The following NAALADL2 variants were observed in gnomAD, a reference collection of about 807,000 sequenced individuals.
NAALADL2 encodes N-acetylated alpha-linked acidic dipeptidase like 2.
In NAALADL2, 76 loss-of-function variants were observed where a neutral mutation model predicts 87.2. The observed-to-expected ratio is 0.87, with a 90% CI of 0.72 to 1.05. The LOEUF is 1.05. Ranked by LOEUF, NAALADL2 falls within the 50% of genes least tolerant of loss-of-function variation. The pLI is 0.00. For missense variants in NAALADL2, 1,089 were observed against 945.8 expected, an observed-to-expected ratio of 1.15 and a Z score of -1.99; for synonymous variants, 354 against 331.0, an observed-to-expected ratio of 1.07 and a Z score of -0.75.
intron 3 of NAALADL2, among the ~76,000 whole-genome samples, chr3:174,817,043 G>T (rs1486282346): frequency 2.6e-5 from 4 of 152,148 alleles, no homozygotes; most frequent in African/African-American, 4.8e-5. Context: ...ACTTAAAGCA[G>T]CTAAATTTGA....
chr3:175,013,484 A>G (rs1448138969), intron 1 of NAALADL2, among the ~76,000 whole-genome samples: 1 of 150,454 alleles, frequency 6.6e-6, no homozygotes. Flanking sequence ...GTTTTAGTAG[A>G]GAAAAGATTT....
rs546368163 is a variant in NAALADL2 at position 175,503,486 on chromosome 3, G to A, written c.1653+31728G>A. Among the ~76,000 whole-genome samples, 56 of 152,274 alleles carry A rather than the reference G, an allele frequency of 3.7e-4. 4 individuals are homozygous for A. The highest frequency in any genetic ancestry group is 2.7e-3 in the East Asian group (14 of 5,164). On this transcript the variant is annotated intron_variant, in intron 9 of 13. Coordinates refer to ENST00000454872, the MANE Select transcript of NAALADL2 (RefSeq NM_207015.3). The stretch of plus-strand genomic sequence containing the variant: ...AGGTGGAATGGTAATTCTGTTTTAA[G>A]TTCTTCGAGAAATTGCCAAACCACT...
intron 5 of NAALADL2, among the ~76,000 whole-genome samples, chr3:175,332,579 T>A (rs1216891854): frequency 1.3e-5 from 2 of 152,186 alleles, no homozygotes; most frequent in Non-Finnish European, 2.9e-5. Context: ...GAGATTGTAG[T>A]TGTGAGTCAC....
intron 2 of NAALADL2, among the ~76,000 whole-genome samples, chr3:174,608,753 A>C (rs1016540877): frequency 1.4e-5 from 2 of 147,508 alleles, no homozygotes; most frequent in South Asian, 4.4e-4. Context: ...AAGTGGTACC[A>C]TTCCTTCTGA....
At chr3:175,569,491 A>G (rs931242118) in intron 9 of NAALADL2, among the ~76,000 whole-genome samples, 1 of 152,092 alleles carries the variant, frequency 6.6e-6, no homozygotes, top group Non-Finnish European at 1.5e-5. Context: ...CAAAATTCAC[A>G]CGTTGAAGAC....
intron 2 of NAALADL2, among the ~76,000 whole-genome samples, chr3:174,709,398 T>C (rs952545112): frequency 6.6e-6 from 1 of 152,122 alleles, no homozygotes; most frequent in Non-Finnish European, 1.5e-5. Flanking sequence ...GAGCTTTACA[T>C]AGGAACTGGC....
intron 6 of NAALADL2, among the ~76,000 whole-genome samples, chr3:175,461,134 A>T (rs748615344): frequency 5.3e-5 from 8 of 151,956 alleles, no homozygotes; most frequent in Admixed American, 1.3e-4. Context: ...GTGCATTTAC[A>T]ATCCTTTAGC....
rs747234701 is a variant in NAALADL2 at position 175,346,178 on chromosome 3, T to A, written c.1090+21853T>A. On this transcript the variant is annotated intron_variant, in intron 5 of 13. Transcript: ENST00000454872. ...AATGAAATATATTCATTATAAAAATTCAAACAGTATACAAAAATATGAATA... is the reference window on the plus strand; with the variant it reads ...AATGAAATATATTCATTATAAAAATACAAACAGTATACAAAAATATGAATA... 3.6e-4 allele frequency among the ~76,000 whole-genome samples: 55 copies of A among 152,214 alleles called. No individual in the cohort carries two copies. The Middle Eastern group carries it at 0.01, about 28-fold the overall frequency.
chr3:174,930,072 G>A (rs1736642332), intron 1 of NAALADL2, among the ~76,000 whole-genome samples: 1 of 152,106 alleles, frequency 6.6e-6, no homozygotes. Flanking sequence ...AGACTTATGA[G>A]AAAAGTATGC....
At chr3:174,646,083 G>A (rs981283378) in intron 2 of NAALADL2, among the ~76,000 whole-genome samples, 2 of 152,080 alleles carry the variant, frequency 1.3e-5, no homozygotes, top group Non-Finnish European at 2.9e-5. Context: ...TCTTTCAACA[G>A]TCTTTCTGTT....
At chr3:174,906,958 TATTAA>T (rs1214672857) in intron 1 of NAALADL2, among the ~76,000 whole-genome samples, 2 of 152,104 alleles carry the variant, frequency 1.3e-5, no homozygotes, top group Non-Finnish European at 2.9e-5. Context: ...GTGAGTTTTA[TATTAA>T]ATTACTTCAA....
intron 13 of NAALADL2, among the ~76,000 whole-genome samples, chr3:175,760,376 G>A (rs1162365675): frequency 1.3e-5 from 2 of 152,150 alleles, no homozygotes; most frequent in African/African-American, 4.8e-5. Flanking sequence ...TTTTCAAGGG[G>A]ACATCTAATT....
intron 2 of NAALADL2, among the ~76,000 whole-genome samples, chr3:174,604,953 A>T (rs1048693908): frequency 7.3e-5 from 11 of 151,500 alleles, no homozygotes; most frequent in Non-Finnish European, 1.5e-4. Flanking sequence ...GGGTTTCACA[A>T]TATTGTCCAG....
intron 3 of NAALADL2, among the ~76,000 whole-genome samples, chr3:174,824,275 T>C (rs1579081297): frequency 6.6e-6 from 1 of 152,190 alleles, no homozygotes; most frequent in Non-Finnish European, 1.5e-5. Context: ...TAAGGAATTA[T>C]TTTATTTGTA....
chr3:175,590,730 A>G (rs1434914585), intron 10 of NAALADL2, among the ~76,000 whole-genome samples: 2 of 152,150 alleles, frequency 1.3e-5, no homozygotes, highest in Non-Finnish European at 2.9e-5. Flanking sequence ...TACTACAAGG[A>G]CATTGTATAT....
chr3:174,836,580 G>C (rs1177235559), intron 3 of NAALADL2, among the ~76,000 whole-genome samples: 1 of 151,918 alleles, frequency 6.6e-6, no homozygotes, highest in East Asian at 1.9e-4. Flanking sequence ...ATGGTGGTGG[G>C]TGCCTGTGGT....
intron 3 of NAALADL2, among the ~76,000 whole-genome samples, chr3:174,812,607 G>C (rs1251057419): frequency 1.3e-5 from 2 of 151,990 alleles, no homozygotes; most frequent in African/African-American, 4.8e-5. Context: ...TTCTTCAAGA[G>C]GTATTCCAAA....
At chr3:175,082,497 G>A (rs941332427) in intron 1 of NAALADL2, among the ~76,000 whole-genome samples, 2 of 151,948 alleles carry the variant, frequency 1.3e-5, no homozygotes, top group African/African-American at 4.8e-5. Context: ...AATTATGCTG[G>A]GTAAACAATA....
At chr3:174,545,031 A>C (rs548092232) in intron 1 of NAALADL2, among the ~76,000 whole-genome samples, 1 of 152,144 alleles carries the variant, frequency 6.6e-6, no homozygotes, top group East Asian at 1.9e-4. Flanking sequence ...ATGCATCATC[A>C]TGCCTGACTA....
Sources: gnomAD v4.1 joint callset for allele counts (sites outside exome capture counted in the v4.1 genomes callset) on GRCh38, gnomAD v4.1.1 for gene constraint, MANE v1.5 for transcripts, NCBI Gene and HGNC (gene_info 2026-07-23, HGNC 2026-07-21) for gene names.